Variants in GAS2 observed in about 807,000 individuals in gnomAD.
GAS2 encodes growth arrest-specific protein 2.
A neutral mutation model predicts 37.5 loss-of-function variants in GAS2; 20 were observed. The ratio of observed to expected loss-of-function variants is 0.53; its 90% CI spans 0.37 to 0.77. The LOEUF is 0.77. GAS2 is among the 30% of genes least tolerant of loss of function. The probability of loss-of-function intolerance (pLI) is 0.00; values close to 1 mark genes in which losing one functional copy is unlikely to be tolerated. For missense variants in GAS2, 336 were observed against 373.4 expected, an observed-to-expected ratio of 0.90 and a Z score of 0.82; for synonymous variants, 144 against 132.2, an observed-to-expected ratio of 1.09 and a Z score of -0.61.
rs560026753 is a variant in GAS2 at position 22,809,729 on chromosome 11, G to A, written c.724-2069G>A. On this transcript the variant is annotated intron_variant, in intron 7 of 7. Coordinates refer to ENST00000454584, the MANE Select transcript of GAS2 (RefSeq NM_001143830.3). ...GGATGGTCTCAAACTCCTGACCTCA[G>A]GTGATCCACCCACCTCGGCCTCCCA... Among the ~76,000 whole-genome samples the A allele has an allele frequency of 1.8e-3, 279 of 151,086 alleles. 1 individual carries two copies. Among genetic ancestry groups the A allele is most frequent in the Non-Finnish European group, 3.5e-3 (239 of 67,774 alleles).
At position 22,750,954 on chromosome 11, in the gene GAS2, AT is replaced by A. The variant is rs576222982; in HGVS notation, c.615+1700del. On this transcript the variant is annotated intron_variant, in intron 6 of 7. Transcript: ENST00000454584. ...TTGAATGAATTACTGGATCAAATGA[AT>A]TTTTTTAGTCCGGAAATTATGAGAT... 1.5e-3 allele frequency among the ~76,000 whole-genome samples: 234 copies of A among 152,004 alleles called. 1 individual carries two copies. Among genetic ancestry groups the A allele is most frequent in the African/African-American group, 5.3e-3 (221 of 41,498 alleles).
At chr11:22,758,687 G>A (rs891561726) in intron 7 of GAS2, among the ~76,000 whole-genome samples, 3 of 152,132 alleles carry the variant, frequency 2.0e-5, no homozygotes, top group African/African-American at 7.2e-5. Flanking sequence ...GCCGAGGCGG[G>A]CAGATCACCT....
At chr11:22,770,715 T>C (rs1175188199) in intron 7 of GAS2, among the ~76,000 whole-genome samples, 2 of 152,238 alleles carry the variant, frequency 1.3e-5, no homozygotes, top group South Asian at 2.1e-4. Flanking sequence ...TCTCAAAGTA[T>C]ATATGTCTCA....
At chr11:22,667,077 T>C (rs1382851008) in intron 1 of GAS2, 178 bp downstream of exon 1, 5 of 152,190 alleles carry the variant, frequency 3.3e-5, no homozygotes, top group Admixed American at 2.0e-4. Context: ...CCGCGGACAG[T>C]TGGACAGGCT....
In GAS2 at chr11:22,642,552, A is replaced by T. The variant is rs556885946; in HGVS notation, c.-21+16739A>T. Among the ~76,000 whole-genome samples the T allele has an allele frequency of 2.0e-5, 3 of 152,024 alleles. No individual in the cohort carries two copies. In the East Asian group the frequency reaches 5.8e-4, roughly 29 times the overall value. On this transcript the variant is annotated intron_variant, in intron 1 of 5. Coordinates refer to the GAS2 transcript ENST00000528582. ...TCACACTCTTTAAGGGCCCCTGGAT[A>T]AGAAAATTATAGAATGTAATAGATA...
intron 5 of GAS2, among the ~76,000 whole-genome samples, chr11:22,743,343 T>C (rs1853198030): frequency 6.6e-6 from 1 of 152,090 alleles, no homozygotes; most frequent in African/African-American, 2.4e-5. Context: ...AGAACCTTAG[T>C]GCTGCAGTTT....
chr11:22,794,493 C>T (rs535339422), intron 7 of GAS2, among the ~76,000 whole-genome samples: 1 of 152,090 alleles, frequency 6.6e-6, no homozygotes, highest in Non-Finnish European at 1.5e-5. Context: ...AGGAAGATGA[C>T]GATCTAGCCA....
intron 5 of GAS2, among the ~76,000 whole-genome samples, chr11:22,747,964 A>G (rs1258196567): frequency 1.3e-5 from 2 of 152,012 alleles, no homozygotes; most frequent in Non-Finnish European, 2.9e-5. Flanking sequence ...TAAAATAATA[A>G]GCAGTTAGAA....
chr11:22,767,395 G>A (rs1219960879), intron 7 of GAS2, among the ~76,000 whole-genome samples: 1 of 151,858 alleles, frequency 6.6e-6, no homozygotes, highest in Non-Finnish European at 1.5e-5. Context: ...GTTCTTCACT[G>A]TGTTTTTGAT....
intron 1 of GAS2, among the ~76,000 whole-genome samples, chr11:22,649,696 T>A (rs1335929840): frequency 2.0e-5 from 3 of 152,242 alleles, no homozygotes; most frequent in African/African-American, 7.2e-5. Context: ...TTTTCTAGTT[T>A]ATTTGCATAG....
intron 1 of GAS2, among the ~76,000 whole-genome samples, chr11:22,637,083 T>C (rs1235244783): frequency 7.6e-6 from 1 of 132,066 alleles, no homozygotes; most frequent in African/African-American, 2.9e-5. Flanking sequence ...TATATTAATA[T>C]AATAAGTAAT....
At chr11:22,766,324 TAGAG>T (rs1854692414) in intron 7 of GAS2, among the ~76,000 whole-genome samples, 3 of 152,052 alleles carry the variant, frequency 2.0e-5, no homozygotes, top group Admixed American at 6.6e-5. Context: ...AATTAAGTGT[TAGAG>T]AGCAAATTGC....
chr11:22,760,011 T>A (rs1242262703), intron 7 of GAS2, among the ~76,000 whole-genome samples: 1 of 152,190 alleles, frequency 6.6e-6, no homozygotes, highest in African/African-American at 2.4e-5. Flanking sequence ...TACTCCAAGT[T>A]GGAGTGCAGT....
intron 2 of GAS2, among the ~76,000 whole-genome samples, chr11:22,678,148 G>A (rs7113084): frequency 0.63 from 94,998 of 151,922 alleles, 30,893 homozygotes; most frequent in East Asian, 0.83. Context: ...ACTTTAAGTC[G>A]TTACTCTCAT....
chr11:22,731,232 G>T (rs1852459123), intron 4 of GAS2: 1 of 354,600 alleles, frequency 2.8e-6, no homozygotes, highest in Non-Finnish European at 5.6e-6. Flanking sequence ...GGTGAGCTGG[G>T]AGATGGCGAA....
At chr11:22,642,321 T>C (rs1848640094) in intron 1 of GAS2, among the ~76,000 whole-genome samples, 1 of 152,144 alleles carries the variant, frequency 6.6e-6, no homozygotes, top group African/African-American at 2.4e-5. Context: ...AATCAACAAA[T>C]TTTAATGGAG....
At chr11:22,757,176 A>T (rs1479534836) in intron 7 of GAS2, among the ~76,000 whole-genome samples, 1 of 152,116 alleles carries the variant, frequency 6.6e-6, no homozygotes, top group African/African-American at 2.4e-5. Flanking sequence ...CCTGCAATGT[A>T]ACCTAATATC....
chr11:22,662,871 C>T (rs753441816), upstream of GAS2, among the ~76,000 whole-genome samples: 28 of 151,304 alleles, frequency 1.9e-4, no homozygotes, highest in African/African-American at 6.1e-4. Flanking sequence ...ATAGTGGGAC[C>T]GTGTCTCTGC....
chr11:22,637,157 G>A (rs1487267538), intron 1 of GAS2, among the ~76,000 whole-genome samples: 2 of 114,502 alleles, frequency 1.7e-5, no homozygotes, highest in Non-Finnish European at 3.5e-5. Context: ...TATTACTTAT[G>A]TTAATATTAT....
Sources: allele counts gnomAD v4.1 joint callset (sites outside exome capture counted in the v4.1 genomes callset), GRCh38; gene constraint gnomAD v4.1.1; transcripts MANE v1.5; gene names NCBI Gene and HGNC (gene_info 2026-07-23, HGNC 2026-07-21).